CAPN7: variants seen among roughly 807,000 people sequenced by gnomAD.
CAPN7 encodes the protein calpain 7.
A neutral mutation model predicts 115.2 loss-of-function variants in CAPN7; 72 were observed. That is an observed-to-expected ratio of 0.63 (90% CI 0.52 to 0.76). The LOEUF is 0.76. CAPN7 is among the 30% of genes least tolerant of loss of function. The probability of loss-of-function intolerance (pLI) is 0.00; values close to 1 mark genes in which losing one functional copy is unlikely to be tolerated. For missense variants in CAPN7, 905 were observed against 971.5 expected (o/e 0.93, Z 0.91); for synonymous variants, 344 against 322.3 (o/e 1.07, Z -0.72).
chr3:15,249,025 C>CAAAAAAAAAAAA (rs59492817), intron 19 of CAPN7, among the ~76,000 whole-genome samples: 1 of 130,760 alleles, frequency 7.6e-6, no homozygotes, highest in African/African-American at 3.0e-5. Flanking sequence ...AAAAAAAAAA[C>CAAAAAAAAAAAA]AAAAACAGAA....
chr3:15,218,386 A>G (rs1044407273), intron 3 of CAPN7, 87 bp from the exon 4 acceptor site: 13 of 831,860 alleles, frequency 1.6e-5, no homozygotes, highest in African/African-American at 3.4e-5. Context: ...TGTAATATGC[A>G]TTGTAAATTT....
chr3:15,211,329 A>C (rs1254270186), intron 1 of CAPN7, among the ~76,000 whole-genome samples: 2 of 152,196 alleles, frequency 1.3e-5, no homozygotes, highest in Non-Finnish European at 2.9e-5. Context: ...AAGGTATATA[A>C]TTTTAAATCT....
chr3:15,222,598 C>G (rs1694067644), intron 5 of CAPN7, among the ~76,000 whole-genome samples: 1 of 152,188 alleles, frequency 6.6e-6, no homozygotes, highest in African/African-American at 2.4e-5. Context: ...TGCACCAACA[C>G]AGCACAATAC....
At chr3:15,218,646 T>A (rs534222436) in intron 4 of CAPN7, 106 bp downstream of exon 4, 3 of 782,094 alleles carry the variant, frequency 3.8e-6, no homozygotes, top group East Asian at 4.9e-5. Context: ...CTCCATCTTT[T>A]AACTGTCATC....
chr3:15,238,290 A>G (rs1490081255), intron 12 of CAPN7, among the ~76,000 whole-genome samples: 1 of 150,908 alleles, frequency 6.6e-6, no homozygotes, highest in Admixed American at 6.6e-5. Flanking sequence ...AATTTTTTAT[A>G]TTTTTAGTAG....
intron 12 of CAPN7, 44 bp from the exon 13 acceptor site, chr3:15,240,429 C>A (rs750580097): frequency 6.4e-7 from 1 of 1,566,880 alleles, no homozygotes; most frequent in Non-Finnish European, 8.7e-7. Context: ...ATGGTAAAAA[C>A]TGTTTTACAA....
intron 17 of CAPN7, chr3:15,245,935 T>C (rs1054184358): frequency 4.2e-5 from 12 of 282,932 alleles, no homozygotes; most frequent in South Asian, 2.3e-4. Flanking sequence ...GGACTAATAA[T>C]ACATTTCTTT....
intron 11 of CAPN7, among the ~76,000 whole-genome samples, chr3:15,234,463 A>T (rs1449170615): frequency 6.6e-6 from 1 of 152,236 alleles, no homozygotes; most frequent in African/African-American, 2.4e-5. Flanking sequence ...GTCCTCAGTT[A>T]TCTTCCCTTA....
At chr3:15,207,893 A>G (rs1397725365) in intron 1 of CAPN7, among the ~76,000 whole-genome samples, 1 of 152,216 alleles carries the variant, frequency 6.6e-6, no homozygotes, top group African/African-American at 2.4e-5. Context: ...AACAGTACAT[A>G]GTATAGCATA....
intron 1 of CAPN7, among the ~76,000 whole-genome samples, chr3:15,209,791 A>G (rs562559298): frequency 1.7e-4 from 26 of 152,358 alleles, no homozygotes; most frequent in Non-Finnish European, 3.5e-4. Context: ...CTTGTTTCCT[A>G]TAGACTTACA....
chr3:15,240,681 C>G (rs1192733157), intron 13 of CAPN7, 64 bp downstream of exon 13: 2 of 1,537,094 alleles, frequency 1.3e-6, no homozygotes, highest in African/African-American at 1.4e-5. Flanking sequence ...TTTAACAAGA[C>G]AAAACATGTG....
rs2125024808 is a variant in CAPN7 at position 15,251,715 on chromosome 3, T to G, written c.*455T>G. The G allele has an allele frequency of 6.5e-6, 1 of 152,788 alleles. No individual in the cohort carries two copies. The highest frequency in any genetic ancestry group is 2.4e-5 in the African/African-American group (1 of 41,608). 9.5% of individuals were successfully genotyped at this position (152,788 alleles called of 1,614,324 possible). On this transcript the variant is annotated 3_prime_UTR_variant, in exon 21 of 21. Transcript: ENST00000253693. ...CATGTGGAAGTTAAACCTGCTTGAT[T>G]CTACTATACATCTTGGGCAACTAGT...
chr3:15,233,875 T>C lies in CAPN7; in HGVS notation c.1188T>C (p.Asp396=), dbSNP rs749574874. 4.4e-6 allele frequency: 7 copies of C among 1,581,272 alleles called. No individual in the cohort carries two copies. Among genetic ancestry groups the C allele is most frequent in the Non-Finnish European group, 6.1e-6 (7 of 1,151,832 alleles). Reference sequence around the variant, plus strand: ...ATGTGTTTCTGTTGCAGAATATTGATCTTCATGCACTGACTGGCTGGATAC... The same window carrying C: ...ATGTGTTTCTGTTGCAGAATATTGACCTTCATGCACTGACTGGCTGGATAC... ...YDFPGSNSNI[D]LHALTGWIPE... The change falls in exon 11 of 21, where the codon GAT becomes GAC. Residue 396 remains aspartate (D), a synonymous_variant. Coordinates refer to ENST00000253693, the MANE Select transcript of CAPN7 (RefSeq NM_014296.3).
rs372624943 is a variant in CAPN7 at position 15,232,504 on chromosome 3, G to A, written c.1033-15G>A. 1.7e-5 allele frequency: 27 copies of A among 1,589,898 alleles called. No homozygotes were observed. In the African/African-American group the frequency reaches 3.4e-4, roughly 20 times the overall value. ...ATTTTGTGCACCTAAGAAGGTTAAT[G>A]TTCTCTTTCTCCAGGTGATAATTGA... On this transcript the variant is annotated splice_polypyrimidine_tract_variant and intron_variant, in intron 9 of 20. Coordinates refer to ENST00000253693, the MANE Select transcript of CAPN7 (RefSeq NM_014296.3).
At chr3:15,237,836 G>T (rs1383548189) in intron 12 of CAPN7, among the ~76,000 whole-genome samples, 1 of 151,820 alleles carries the variant, frequency 6.6e-6, no homozygotes, top group African/African-American at 2.4e-5. Context: ...AATTAGCTGG[G>T]CATGGTGGCA....
intron 2 of CAPN7, among the ~76,000 whole-genome samples, chr3:15,217,029 G>C (rs1031261674): frequency 2.6e-5 from 4 of 151,456 alleles, no homozygotes; most frequent in African/African-American, 9.7e-5. Context: ...CTTGAGCCTG[G>C]GAGTTCAAGA....
At chr3:15,227,221 A>G (rs1694374159) in intron 6 of CAPN7, among the ~76,000 whole-genome samples, 1 of 152,150 alleles carries the variant, frequency 6.6e-6, no homozygotes, top group Admixed American at 6.6e-5. Flanking sequence ...AGGGTAATGG[A>G]TAAGAATGGT....
chr3:15,208,453 ATTTTTTTTTTT>A (rs1218217326), intron 1 of CAPN7, among the ~76,000 whole-genome samples: 1 of 126,156 alleles, frequency 7.9e-6, no homozygotes, highest in East Asian at 2.2e-4. Flanking sequence ...CACTTGGCTA[ATTTTTTTTTTT>A]TTTTTTTTTT....
At chr3:15,206,719 G>A in intron 1 of CAPN7, 122 bp downstream of exon 1, 3 of 689,344 alleles carry the variant, frequency 4.4e-6, no homozygotes, top group Non-Finnish European at 7.2e-6. Context: ...TCCCTCGTCC[G>A]CCTCCCGGCC....
Sources: gnomAD v4.1 joint callset for allele counts (sites outside exome capture counted in the v4.1 genomes callset) on GRCh38, gnomAD v4.1.1 for gene constraint, MANE v1.5 for transcripts, NCBI Gene and HGNC (gene_info 2026-07-23, HGNC 2026-07-21) for gene names.